MYT1L: variants seen among roughly 807,000 people sequenced by gnomAD.
MYT1L encodes the protein myelin transcription factor 1 like.
MYT1L carries 12 observed loss-of-function variants against 126.7 expected under a neutral mutation model. That is an observed-to-expected ratio of 0.09 (90% CI 0.06 to 0.15). The LOEUF (loss-of-function observed/expected upper bound fraction) is 0.15, where lower values mean the gene tolerates loss of function less well. Ranked by LOEUF, MYT1L falls within the 10% of genes least tolerant of loss-of-function variation. The probability of loss-of-function intolerance (pLI) is 1.00; values close to 1 mark genes in which losing one functional copy is unlikely to be tolerated. For missense variants in MYT1L, 979 were observed against 1,585.2 expected (o/e 0.62, Z 6.49); for synonymous variants, 541 against 604.2 (o/e 0.90, Z 1.53).
chr2:2,000,500 C>T (rs575593662), intron 4 of MYT1L, among the ~76,000 whole-genome samples: 66 of 152,166 alleles, frequency 4.3e-4, no homozygotes, highest in African/African-American at 1.3e-3. Flanking sequence ...GCCTGAGTGA[C>T]GGGCACTTCT....
intron 2 of MYT1L, among the ~76,000 whole-genome samples, chr2:2,261,208 T>A (rs2094958066): frequency 1.3e-5 from 2 of 152,144 alleles, no homozygotes; most frequent in African/African-American, 4.8e-5. Context: ...ATCTCCAACT[T>A]TTTTGTTTCA....
chr2:2,097,303 C>T (rs1313465175), intron 3 of MYT1L, among the ~76,000 whole-genome samples: 1 of 152,156 alleles, frequency 6.6e-6, no homozygotes, highest in African/African-American at 2.4e-5. Flanking sequence ...AGGACTGCTG[C>T]AGCCCCTGGA....
At chr2:1,904,398 C>T (rs1383252920) in intron 13 of MYT1L, among the ~76,000 whole-genome samples, 1 of 152,026 alleles carries the variant, frequency 6.6e-6, no homozygotes, top group East Asian at 1.9e-4. Flanking sequence ...GATGGAGTCT[C>T]GGTCTGGTGG....
chr2:1,819,790 T>C (rs1461583737), intron 21 of MYT1L, among the ~76,000 whole-genome samples: 2 of 152,212 alleles, frequency 1.3e-5, no homozygotes, highest in Non-Finnish European at 2.9e-5. Context: ...CTGAGCAGCA[T>C]GTCTTCAGCT....
chr2:1,994,018 C>A (rs1333368080), intron 5 of MYT1L, among the ~76,000 whole-genome samples: 2 of 152,198 alleles, frequency 1.3e-5, no homozygotes, highest in Non-Finnish European at 2.9e-5. Flanking sequence ...CCTTTGCCCA[C>A]CTTATCTGTC....
At chr2:1,825,013 AGGACAGG>A (rs2039102561) in intron 21 of MYT1L, 6 of 152,450 alleles carry the variant, frequency 3.9e-5, no homozygotes, top group Admixed American at 2.6e-4. Flanking sequence ...GAGAAGGGAG[AGGACAGG>A]AGGGAGAGGA....
intron 4 of MYT1L, among the ~76,000 whole-genome samples, chr2:2,034,161 A>G (rs1212600946): frequency 6.6e-6 from 1 of 152,184 alleles, no homozygotes; most frequent in Non-Finnish European, 1.5e-5. Flanking sequence ...AAGGGAAAGG[A>G]GCTAAGCAGA....
chr2:2,171,602 T>G (rs922166798), intron 3 of MYT1L, among the ~76,000 whole-genome samples: 1 of 151,912 alleles, frequency 6.6e-6, no homozygotes, highest in African/African-American at 2.4e-5. Flanking sequence ...TAGCTTCTTT[T>G]GTTTTTTTCT....
At chr2:2,047,513 A>G (rs60103287) in intron 4 of MYT1L, among the ~76,000 whole-genome samples, 2,576 of 152,334 alleles carry the variant, frequency 0.017, 67 homozygotes, top group African/African-American at 0.058. Context: ...GAAAAGAAAG[A>G]TTATGTATTA....
At chr2:2,311,726 G>A (rs535691786) in intron 1 of MYT1L, among the ~76,000 whole-genome samples, 107 of 152,238 alleles carry the variant, frequency 7.0e-4, no homozygotes, top group African/African-American at 2.4e-3. Context: ...ACAAATAAGG[G>A]AGCATGCAAG....
At chr2:1,797,931 T>TCCA (rs2033985399) in intron 23 of MYT1L, among the ~76,000 whole-genome samples, 16 of 18,644 alleles carry the variant, frequency 8.6e-4, no homozygotes, top group Non-Finnish European at 1.6e-3. Flanking sequence ...GGTCTCCCCC[T>TCCA]TCTCCGGCAC....
intron 1 of MYT1L, among the ~76,000 whole-genome samples, chr2:2,302,473 G>T (rs2095799818): frequency 6.6e-6 from 1 of 152,114 alleles, no homozygotes; most frequent in Non-Finnish European, 1.5e-5. Context: ...GAGGAGGAGG[G>T]GTTGCTATAC....
chr2:2,230,264 C>G (rs1366923817), intron 2 of MYT1L, among the ~76,000 whole-genome samples: 3 of 152,214 alleles, frequency 2.0e-5, no homozygotes, highest in Non-Finnish European at 4.4e-5. Flanking sequence ...GAGAAAACAA[C>G]CTACAAAGTG....
chr2:1,956,132 T>A (rs2058325449), intron 8 of MYT1L, among the ~76,000 whole-genome samples: 1 of 152,282 alleles, frequency 6.6e-6, no homozygotes, highest in Non-Finnish European at 1.5e-5. Flanking sequence ...TCTTTCTACC[T>A]ACCTATGTCT....
chr2:2,081,993 G>A lies in MYT1L; in HGVS notation c.-303-27870C>T, dbSNP rs937316334. 1.1e-4 allele frequency among the ~76,000 whole-genome samples: 16 copies of A among 152,062 alleles called. No individual in the cohort carries two copies. In the East Asian group the frequency reaches 1.4e-3, roughly 13 times the overall value. On this transcript the variant is annotated intron_variant, in intron 3 of 24. Coordinates refer to ENST00000647738, the MANE Select transcript of MYT1L (RefSeq NM_001303052.2). ...CCTGACCTCGTGATCTGCCTGCATC[G>A]GCCTCCCAAAGTGCTGGGATTACAG...
At chr2:1,792,209 A>C in intron 24 of MYT1L, 112 bp downstream of exon 24, 1 of 1,400,490 alleles carries the variant, frequency 7.1e-7, no homozygotes, top group Non-Finnish European at 9.5e-7. Flanking sequence ...GGTAACCACA[A>C]ACATTTGCCA....
At chr2:2,306,414 G>T (rs922585369) in intron 1 of MYT1L, among the ~76,000 whole-genome samples, 1 of 152,140 alleles carries the variant, frequency 6.6e-6, no homozygotes, top group African/African-American at 2.4e-5. Context: ...AGAATCCCAA[G>T]GTTTTCAAAT....
intron 2 of MYT1L, among the ~76,000 whole-genome samples, chr2:2,270,896 G>T (rs934028041): frequency 6.6e-6 from 1 of 151,794 alleles, no homozygotes. Flanking sequence ...ATCGGCTGAC[G>T]CTGACTCTTG....
At chr2:2,243,028 A>G (rs2094467911) in intron 2 of MYT1L, among the ~76,000 whole-genome samples, 1 of 152,090 alleles carries the variant, frequency 6.6e-6, no homozygotes. Context: ...ATGGAATAGG[A>G]GGATGGATGG....
Sources: gnomAD v4.1 joint callset for allele counts (sites outside exome capture counted in the v4.1 genomes callset) on GRCh38, gnomAD v4.1.1 for gene constraint, MANE v1.5 for transcripts, NCBI Gene and HGNC (gene_info 2026-07-23, HGNC 2026-07-21) for gene names.